ATAD2B: variants seen among roughly 807,000 people sequenced by gnomAD.
ATAD2B encodes ATPase family AAA domain containing 2B.
A neutral mutation model predicts 167.6 loss-of-function variants in ATAD2B; 40 were observed. The observed-to-expected ratio is 0.24, with a 90% CI of 0.19 to 0.31. ATAD2B has a LOEUF of 0.31. Among genes scored for constraint, ATAD2B ranks in the 10% least tolerant of loss-of-function variants. The pLI is 1.00. For synonymous variants in ATAD2B, 579 were observed against 596.5 expected (o/e 0.97, Z 0.43); for missense variants, 1,242 against 1,757.2 (o/e 0.71, Z 5.24).
chr2:23,807,815 TAAAA>T (rs375966207), intron 18 of ATAD2B, among the ~76,000 whole-genome samples: 40 of 119,478 alleles, frequency 3.3e-4, no homozygotes, highest in East Asian at 4.6e-4. Flanking sequence ...GACTCCATCT[TAAAA>T]AAAAAAAAAA....
intron 25 of ATAD2B, 76 bp downstream of exon 25, chr2:23,757,342 G>T: frequency 8.9e-7 from 1 of 1,119,502 alleles, no homozygotes. Context: ...TATTACTACT[G>T]GGAACCAGAT....
At chr2:23,818,338 C>T (rs182399079) in intron 17 of ATAD2B, among the ~76,000 whole-genome samples, 307 of 122,078 alleles carry the variant, frequency 2.5e-3, no homozygotes, top group Non-Finnish European at 3.9e-3. Flanking sequence ...GAGACACAGA[C>T]GCACAGGCTA....
intron 13 of ATAD2B, among the ~76,000 whole-genome samples, chr2:23,853,201 T>G (rs1692845761): frequency 6.6e-6 from 1 of 152,196 alleles, no homozygotes; most frequent in Non-Finnish European, 1.5e-5. Context: ...TGATTTCCAT[T>G]ATCACCATTA....
the ATAD2B span, among the ~76,000 whole-genome samples, chr2:23,679,929 C>T: frequency 6.6e-6 from 1 of 151,942 alleles, no homozygotes; most frequent in Non-Finnish European, 1.5e-5. Context: ...GGAGTGGGGA[C>T]GTGTGTGGGG....
the ATAD2B span, among the ~76,000 whole-genome samples, chr2:23,740,849 CAA>C: frequency 6.6e-6 from 1 of 152,212 alleles, no homozygotes; most frequent in Non-Finnish European, 1.5e-5. Context: ...GCAACTTCAG[CAA>C]AGTCTCAGGA....
At chr2:23,922,154 C>T (rs934792915) in intron 1 of ATAD2B, among the ~76,000 whole-genome samples, 2 of 151,920 alleles carry the variant, frequency 1.3e-5, no homozygotes, top group Non-Finnish European at 1.5e-5. Flanking sequence ...CTCAAAAAGC[C>T]TAAAAAGCTA....
downstream of ATAD2B, among the ~76,000 whole-genome samples, chr2:23,748,021 T>A (rs185716841): frequency 7.9e-5 from 12 of 152,146 alleles, no homozygotes; most frequent in South Asian, 2.1e-4. Flanking sequence ...AGGTTTATTA[T>A]TAACAATCTT....
intron 22 of ATAD2B, among the ~76,000 whole-genome samples, chr2:23,772,783 T>C (rs1386785054): frequency 2.0e-5 from 3 of 152,010 alleles, no homozygotes; most frequent in Admixed American, 2.0e-4. Flanking sequence ...CAAGCTAGAG[T>C]GCAGTGGCAT....
intron 17 of ATAD2B, among the ~76,000 whole-genome samples, chr2:23,818,208 G>T (rs1686834985): frequency 1.6e-5 from 1 of 62,572 alleles, no homozygotes; most frequent in East Asian, 5.7e-4. Context: ...AAGAAGAGAG[G>T]GAGAGGGAGG....
chr2:23,767,831 A>G (rs1469333171), intron 22 of ATAD2B, among the ~76,000 whole-genome samples: 1 of 152,112 alleles, frequency 6.6e-6, no homozygotes, highest in East Asian at 1.9e-4. Context: ...ATCAAAGATG[A>G]TTTCCTAGCT....
intron 23 of ATAD2B, among the ~76,000 whole-genome samples, chr2:23,764,901 C>T (rs1488875095): frequency 6.6e-6 from 1 of 152,180 alleles, no homozygotes; most frequent in Non-Finnish European, 1.5e-5. Flanking sequence ...CTTCTATATT[C>T]ACTCCTTACT....
the ATAD2B span, among the ~76,000 whole-genome samples, chr2:23,682,539 T>C: frequency 1.3e-5 from 2 of 152,220 alleles, no homozygotes; most frequent in African/African-American, 4.8e-5. The surrounding 1 kb of genome is among the most constrained non-coding windows in gnomAD (Gnocchi z 4.1). Flanking sequence ...CCCCTGTGGC[T>C]CCCTGGTGCC....
chr2:23,741,598 C>T, the ATAD2B span, among the ~76,000 whole-genome samples: 8 of 152,162 alleles, frequency 5.3e-5, no homozygotes, highest in Admixed American at 5.2e-4. Flanking sequence ...ACCATAAAAA[C>T]CCTAGAAGAA....
At chr2:23,775,220 TTA>T (rs1390071116) in intron 22 of ATAD2B, among the ~76,000 whole-genome samples, 13 of 147,396 alleles carry the variant, frequency 8.8e-5, no homozygotes, top group Non-Finnish European at 1.5e-4. Flanking sequence ...TTTTTATGTT[TTA>T]TTTTTTTTTT....
At chr2:23,686,051 C>T in the ATAD2B span, among the ~76,000 whole-genome samples, 4 of 152,082 alleles carry the variant, frequency 2.6e-5, no homozygotes, top group Non-Finnish European at 5.9e-5. Context: ...GAGAAGAACA[C>T]GTGCTAGGAG....
chr2:23,818,312 AAG>A (rs1238272239), intron 17 of ATAD2B, among the ~76,000 whole-genome samples: 7 of 134,140 alleles, frequency 5.2e-5, no homozygotes, highest in African/African-American at 8.1e-5. Context: ...GAGAGAGAGA[AAG>A]AGAGAGAGAC....
intron 22 of ATAD2B, among the ~76,000 whole-genome samples, chr2:23,769,388 C>T (rs563718261): frequency 2.6e-5 from 4 of 151,992 alleles, no homozygotes; most frequent in African/African-American, 7.2e-5. Context: ...TGCAGTGAGC[C>T]GAGACAGCGC....
At chr2:23,850,949 G>A (rs989697173) in intron 13 of ATAD2B, among the ~76,000 whole-genome samples, 2 of 152,136 alleles carry the variant, frequency 1.3e-5, no homozygotes, top group African/African-American at 4.8e-5. Context: ...TCATAAAGAG[G>A]ATTCCTGCCT....
Position 23,867,905 on chromosome 2 carries a change from C to T in ATAD2B, c.1118G>A (p.Gly373Asp). Residue 373 changes from glycine to aspartate, a missense_variant, in exon 10 of 28, where the codon GGT (glycine) becomes GAT (aspartate). Coordinates refer to ENST00000238789, the MANE Select transcript of ATAD2B (RefSeq NM_017552.4). ...CACTTTCACTCGTTCTCGGAGAATA[C>T]CGCTAGCTAAGTCCTCTGCTCTGAA... ...MNFRAEDLAS[G>D]ILRERVKVGA... 1.2e-6 allele frequency: 2 copies of T among 1,613,806 alleles called. No homozygotes were observed. Among genetic ancestry groups the T allele is most frequent in the Non-Finnish European group, 1.7e-6 (2 of 1,179,794 alleles).
Sources: gnomAD v4.1 joint callset for allele counts (sites outside exome capture counted in the v4.1 genomes callset) on GRCh38, gnomAD v4.1.1 for gene constraint, Gnocchi (gnomAD v3.1) non-coding constraint, MANE v1.5 for transcripts, NCBI Gene and HGNC (gene_info 2026-07-23, HGNC 2026-07-21) for gene names.